Variants in TCF12 observed in about 807,000 individuals in gnomAD.
TCF12 encodes the protein DNA-binding protein HTF4.
In TCF12, 45 loss-of-function variants were observed where a neutral mutation model predicts 86.0. That is an observed-to-expected ratio of 0.52 (90% CI 0.41 to 0.67). The LOEUF (loss-of-function observed/expected upper bound fraction) is 0.67. Among genes scored for constraint, TCF12 ranks in the 30% least tolerant of loss-of-function variants. The pLI, the probability that TCF12 is intolerant of heterozygous loss-of-function variation, is 0.00. For missense variants in TCF12, 881 were observed against 859.9 expected (o/e 1.02, Z -0.31); for synonymous variants, 330 against 299.6 (o/e 1.10, Z -1.05).
chr15:57,225,219 G>GTTTT (rs1360494654), intron 8 of TCF12, among the ~76,000 whole-genome samples: 1 of 70,850 alleles, frequency 1.4e-5, no homozygotes, highest in African/African-American at 7.7e-5. Flanking sequence ...ACTGATATAT[G>GTTTT]CTTTTTTTTT....
chr15:56,958,584 A>G (rs2061594545), intron 3 of TCF12, among the ~76,000 whole-genome samples: 1 of 152,026 alleles, frequency 6.6e-6, no homozygotes, highest in Non-Finnish European at 1.5e-5. Flanking sequence ...CAAATATAGA[A>G]CTTTACCCGT....
At chr15:56,946,386 A>T (rs2060998264) in intron 3 of TCF12, among the ~76,000 whole-genome samples, 1 of 152,126 alleles carries the variant, frequency 6.6e-6, no homozygotes, top group Admixed American at 6.6e-5. Context: ...ATTCCATCCA[A>T]TAAACTTTTC....
rs1259939031 is a variant in TCF12 at position 57,231,239 on chromosome 15, A to G, written c.667A>G (p.Ser223Gly). ...SPKPPTSMFA[S>G]TFFMQDGTHN... ...TAAGCCACCAACCAGTATGTTCGCTAGCACTTTCTTTATGCAAGGTAAGTA... is the reference window on the plus strand; with the variant it reads ...TAAGCCACCAACCAGTATGTTCGCTGGCACTTTCTTTATGCAAGGTAAGTA... Residue 223 changes from serine to glycine, a missense_variant, in exon 9 of 21, where the codon AGC (serine) becomes GGC (glycine). By Grantham distance (56) the Ser-to-Gly change is moderately conservative. Coordinates refer to ENST00000333725, the MANE Select transcript of TCF12 (RefSeq NM_207037.2). 1 of 1,612,270 alleles carries G rather than the reference A, an allele frequency of 6.2e-7. No homozygotes were observed. The highest frequency in any genetic ancestry group is 8.5e-7 in the Non-Finnish European group (1 of 1,178,606).
intron 8 of TCF12, among the ~76,000 whole-genome samples, chr15:57,210,316 T>A (rs1489859416): frequency 1.3e-5 from 2 of 151,158 alleles, no homozygotes; most frequent in Non-Finnish European, 2.9e-5. Flanking sequence ...AGCTACATAC[T>A]AGATAATCTA....
intron 14 of TCF12, among the ~76,000 whole-genome samples, chr15:57,251,976 G>C (rs572203410): frequency 1.3e-5 from 2 of 152,168 alleles, no homozygotes; most frequent in African/African-American, 4.8e-5. Flanking sequence ...GAACCTTCTA[G>C]ATATTTGAGC....
intron 6 of TCF12, among the ~76,000 whole-genome samples, chr15:57,173,033 G>C (rs1471335932): frequency 2.6e-5 from 4 of 152,036 alleles, no homozygotes; most frequent in African/African-American, 9.7e-5. Flanking sequence ...AGGCTGCAGT[G>C]CGCTGTTATT....
intron 6 of TCF12, among the ~76,000 whole-genome samples, chr15:57,183,409 A>G (rs1429387816): frequency 6.6e-6 from 1 of 152,168 alleles, no homozygotes; most frequent in East Asian, 1.9e-4. Context: ...TACTGCTTGA[A>G]TCTGTCACAC....
intron 6 of TCF12, among the ~76,000 whole-genome samples, chr15:57,183,434 G>C (rs1007997221): frequency 2.0e-5 from 3 of 152,002 alleles, no homozygotes; most frequent in African/African-American, 7.2e-5. Flanking sequence ...TTTGGATTTA[G>C]CATCTGTCAA....
intron 6 of TCF12, among the ~76,000 whole-genome samples, chr15:57,182,123 T>G (rs1378391136): frequency 6.6e-6 from 1 of 152,168 alleles, no homozygotes; most frequent in Non-Finnish European, 1.5e-5. Flanking sequence ...TTCTGTATTC[T>G]TTTTGCCGGA....
At chr15:57,039,690 G>T (rs2066766589) in intron 3 of TCF12, among the ~76,000 whole-genome samples, 1 of 151,986 alleles carries the variant, frequency 6.6e-6, no homozygotes, top group Non-Finnish European at 1.5e-5. Context: ...TCTCTCTGTG[G>T]GTTATGCTTA....
At chr15:56,995,220 G>A (rs1196831616) in intron 3 of TCF12, among the ~76,000 whole-genome samples, 3 of 113,650 alleles carry the variant, frequency 2.6e-5, no homozygotes, top group Non-Finnish European at 5.1e-5. Context: ...CAGGTAATGT[G>A]ATACCTGCAG....
chr15:56,978,819 C>T (rs1184625663), intron 3 of TCF12, among the ~76,000 whole-genome samples: 1 of 152,102 alleles, frequency 6.6e-6, no homozygotes, highest in Non-Finnish European at 1.5e-5. Flanking sequence ...CTAAAAAGCC[C>T]AAGGGAGCTT....
chr15:56,990,092 A>C (rs1410604952), intron 3 of TCF12, among the ~76,000 whole-genome samples: 1 of 151,936 alleles, frequency 6.6e-6, no homozygotes, highest in East Asian at 1.9e-4. Flanking sequence ...TTCAGCAGGC[A>C]AAAACTTCGG....
chr15:56,959,068 G>A (rs1212720333), intron 3 of TCF12, among the ~76,000 whole-genome samples: 1 of 152,010 alleles, frequency 6.6e-6, no homozygotes, highest in Non-Finnish European at 1.5e-5. Flanking sequence ...ACTTCTGGTG[G>A]CAGGTATCAT....
At chr15:56,919,029 T>G (rs1188333087) in intron 1 of TCF12, 123 bp downstream of exon 1, 1 of 151,860 alleles carries the variant, frequency 6.6e-6, no homozygotes, top group African/African-American at 2.4e-5. Context: ...CGCCCCTTTG[T>G]ACAGCGCGAA....
intron 5 of TCF12, among the ~76,000 whole-genome samples, chr15:57,105,399 G>C (rs2066468294): frequency 6.6e-6 from 1 of 152,086 alleles, no homozygotes; most frequent in Non-Finnish European, 1.5e-5. Flanking sequence ...ATTATGTAAA[G>C]TTCTTTTTGT....
In TCF12 at chr15:57,147,882, C is replaced by G. The variant is rs1047546621; in HGVS notation, c.326-18520C>G. Among the ~76,000 whole-genome samples the G allele has an allele frequency of 1.2e-4, 16 of 137,966 alleles. No individual in the cohort carries two copies. The South Asian group carries it at 1.2e-3, about 10-fold the overall frequency. The allele number at this position is 137,966 out of a possible 152,430, so 90.5% of individuals were successfully genotyped here. On this transcript the variant is annotated intron_variant, in intron 5 of 20. Transcript: ENST00000333725. ...CATTATCTCTGCAAGGGAAACTAGA[C>G]TTTTTTTTTTTTTTTTTAAACAAAG...
chr15:57,053,634 A>G (rs1413358601), intron 3 of TCF12, among the ~76,000 whole-genome samples: 4 of 146,404 alleles, frequency 2.7e-5, no homozygotes, highest in Non-Finnish European at 6.0e-5. Context: ...TTTTTTTTGT[A>G]GATAAATTTT....
intron 3 of TCF12, among the ~76,000 whole-genome samples, chr15:57,047,436 G>A (rs1359645895): frequency 6.6e-6 from 1 of 152,102 alleles, no homozygotes; most frequent in Non-Finnish European, 1.5e-5. Flanking sequence ...AGTGATTTTT[G>A]TATACCTAAA....
Sources: gnomAD v4.1 joint callset for allele counts (sites outside exome capture counted in the v4.1 genomes callset) on GRCh38, gnomAD v4.1.1 for gene constraint, MANE v1.5 for transcripts, NCBI Gene and HGNC (gene_info 2026-07-23, HGNC 2026-07-21) for gene names.